Variants in ADAM32 observed in about 807,000 individuals in gnomAD.
The protein encoded by ADAM32 is ADAM metallopeptidase domain 32, also known as disintegrin and metalloproteinase domain-containing protein 32.
In ADAM32, 89 loss-of-function variants were observed where a neutral mutation model predicts 114.9. The observed-to-expected ratio is 0.77, with a 90% CI of 0.65 to 0.92. The LOEUF (loss-of-function observed/expected upper bound fraction) is 0.92, where lower values mean the gene tolerates loss of function less well. Ranked by LOEUF, ADAM32 falls within the 40% of genes least tolerant of loss-of-function variation. The pLI, the probability that ADAM32 is intolerant of heterozygous loss-of-function variation, is 0.00. For missense variants in ADAM32, 870 were observed against 932.8 expected (o/e 0.93, Z 0.88); for synonymous variants, 285 against 307.5 (o/e 0.93, Z 0.77).
chr8:39,281,583 T>C (rs1399353294), intron 23 of ADAM32, among the ~76,000 whole-genome samples: 1 of 152,244 alleles, frequency 6.6e-6, no homozygotes, highest in East Asian at 1.9e-4. Flanking sequence ...CGAATGATTA[T>C]TTCCACTTAG....
intron 24 of ADAM32, 98 bp downstream of exon 24, chr8:39,283,722 A>G: frequency 1.1e-6 from 1 of 879,918 alleles, no homozygotes; most frequent in Non-Finnish European, 1.7e-6. Context: ...GACTGGGTAG[A>G]TGAATTGGTA....
chr8:39,257,643 C>T (rs1203754906), intron 19 of ADAM32, among the ~76,000 whole-genome samples: 1 of 152,008 alleles, frequency 6.6e-6, no homozygotes, highest in Admixed American at 6.6e-5. Context: ...GTATCATCTA[C>T]AACAGAAGTA....
At chr8:39,138,062 G>A (rs371122608) in intron 3 of ADAM32, among the ~76,000 whole-genome samples, 5 of 152,140 alleles carry the variant, frequency 3.3e-5, no homozygotes, top group African/African-American at 1.2e-4. Flanking sequence ...GATTATGATA[G>A]CCTAACGACC....
chr8:39,199,623 T>A (rs2129447755), intron 11 of ADAM32, among the ~76,000 whole-genome samples: 1 of 152,320 alleles, frequency 6.6e-6, no homozygotes, highest in African/African-American at 2.4e-5. Context: ...TCTTTTTTTT[T>A]AACTTTTTAA....
At chr8:39,199,870 T>G (rs1428388301) in intron 11 of ADAM32, among the ~76,000 whole-genome samples, 1 of 145,190 alleles carries the variant, frequency 6.9e-6, no homozygotes, top group East Asian at 2.1e-4. Context: ...GAACATGCGG[T>G]GTTTGGTTTT....
At chr8:39,267,640 T>G (rs1481381709) in intron 19 of ADAM32, among the ~76,000 whole-genome samples, 1 of 152,210 alleles carries the variant, frequency 6.6e-6, no homozygotes, top group African/African-American at 2.4e-5. Flanking sequence ...AGAAGGGTGC[T>G]TCTCATAGTT....
intron 12 of ADAM32, among the ~76,000 whole-genome samples, chr8:39,213,164 G>A (rs180677974): frequency 0.012 from 1,895 of 151,902 alleles, 18 homozygotes; most frequent in Non-Finnish European, 0.018. Flanking sequence ...TTTTTTTGTG[G>A]AGAAAACATT....
chr8:39,195,419 C>T (rs765532937), intron 11 of ADAM32, among the ~76,000 whole-genome samples: 1 of 152,120 alleles, frequency 6.6e-6, no homozygotes, highest in Non-Finnish European at 1.5e-5. Flanking sequence ...TTTTGCTGTA[C>T]GTAAGTTTTT....
chr8:39,217,259 T>C (rs1368384388), intron 12 of ADAM32, among the ~76,000 whole-genome samples: 1 of 152,130 alleles, frequency 6.6e-6, no homozygotes, highest in East Asian at 1.9e-4. Context: ...TTGTATATTA[T>C]TTGTTCCTTT....
intron 20 of ADAM32, among the ~76,000 whole-genome samples, chr8:39,272,101 G>GAAAAAAAAA (rs11366445): frequency 1.4e-4 from 9 of 65,796 alleles, no homozygotes; most frequent in Non-Finnish European, 2.0e-4. Flanking sequence ...GTGAGCTCCA[G>GAAAAAAAAA]AAAAAAAAAA....
chr8:39,210,484 CT>C (rs993139589), intron 11 of ADAM32, among the ~76,000 whole-genome samples: 2 of 152,178 alleles, frequency 1.3e-5, no homozygotes, highest in Non-Finnish European at 2.9e-5. Flanking sequence ...CTGGAGGGTT[CT>C]ATCCCGTGCT....
At chr8:39,239,828 AAG>A (rs994486366) in intron 16 of ADAM32, among the ~76,000 whole-genome samples, 1 of 152,212 alleles carries the variant, frequency 6.6e-6, no homozygotes, top group Non-Finnish European at 1.5e-5. Flanking sequence ...AAAAAAGACA[AAG>A]AGGGGCATTA....
intron 17 of ADAM32, 52 bp from the exon 18 acceptor site, chr8:39,254,359 CCTT>C (rs1811499517): frequency 7.1e-7 from 1 of 1,399,962 alleles, no homozygotes; most frequent in Non-Finnish European, 9.8e-7. Flanking sequence ...TTGATGCTCA[CCTT>C]CTCTGAGAAA....
chr8:39,107,978 C>G (rs1380048470), intron 1 of ADAM32, 145 bp downstream of exon 1: 12 of 1,144,632 alleles, frequency 1.0e-5, no homozygotes, highest in Admixed American at 3.3e-5. Flanking sequence ...TTAGGCGCCC[C>G]GTCCGGATGG....
chr8:39,200,133 A>G (rs1189300382), intron 11 of ADAM32, among the ~76,000 whole-genome samples: 1 of 152,196 alleles, frequency 6.6e-6, no homozygotes, highest in Non-Finnish European at 1.5e-5. Flanking sequence ...TTGGGTATAT[A>G]CCCAGTAATG....
chr8:39,107,823 G>T lies in ADAM32; in HGVS notation c.48G>T (p.Ala16=), dbSNP rs765332218. Residue 16 remains alanine, a synonymous_variant, in exon 1 of 25, where the codon GCG becomes GCT. Coordinates refer to ENST00000379907, the MANE Select transcript of ADAM32 (RefSeq NM_145004.7). ...TGGCCGGGCTCTGCGGCCTCCTGGC[G>T]TCAAGACCCGGTGAGCCAGCCCAGA... ...LLLAGLCGLL[A]SRPGFQNSLL... The T allele has an allele frequency of 2.2e-5, 34 of 1,546,556 alleles. No homozygotes were observed. The highest frequency in any genetic ancestry group is 3.0e-5 in the Non-Finnish European group (34 of 1,145,048).
intron 16 of ADAM32, among the ~76,000 whole-genome samples, chr8:39,241,717 A>G (rs527966541): frequency 3.7e-4 from 56 of 152,324 alleles, no homozygotes; most frequent in African/African-American, 1.3e-3. Flanking sequence ...CTGGCCCACA[A>G]AGTCATTTTT....
chr8:39,128,613 A>G (rs1401764637), intron 2 of ADAM32, among the ~76,000 whole-genome samples: 1 of 152,154 alleles, frequency 6.6e-6, no homozygotes, highest in Non-Finnish European at 1.5e-5. Context: ...TCATAGTGTC[A>G]CTGGTCTGTG....
intron 10 of ADAM32, among the ~76,000 whole-genome samples, chr8:39,186,442 G>A (rs191467994): frequency 8.1e-4 from 123 of 152,280 alleles, no homozygotes; most frequent in African/African-American, 2.2e-3. Context: ...CAGTCACTGT[G>A]TCAATGAAGT....
Sources: gnomAD v4.1 joint callset for allele counts (sites outside exome capture counted in the v4.1 genomes callset) on GRCh38, gnomAD v4.1.1 for gene constraint, MANE v1.5 for transcripts, NCBI Gene and HGNC (gene_info 2026-07-23, HGNC 2026-07-21) for gene names.